ATP8A1: variants seen among roughly 807,000 people sequenced by gnomAD.
ATP8A1 encodes ATPase phospholipid transporting 8A1, also known as phospholipid-transporting ATPase IA.
In ATP8A1, 90 loss-of-function variants were observed where a neutral mutation model predicts 177.7. That is an observed-to-expected ratio of 0.51 (90% CI 0.43 to 0.60). The LOEUF is 0.60. ATP8A1 is among the 20% of genes least tolerant of loss of function. The pLI is 0.00. For synonymous variants in ATP8A1, 493 were observed against 485.9 expected (o/e 1.01, Z -0.19); for missense variants, 1,072 against 1,392.8 (o/e 0.77, Z 3.67).
In ATP8A1 at chr4:42,545,277, C is replaced by T. The variant is rs1358813390; in HGVS notation, c.1653-1291G>A. 2.6e-5 allele frequency among the ~76,000 whole-genome samples: 4 copies of T among 152,192 alleles called. No homozygotes were observed. The East Asian group carries it at 7.7e-4, about 29-fold the overall frequency. ...ATCAGGAATACATTTAATTGGGCCT[C>T]CTTTGTAATGACACCTATACATTCT... On this transcript the variant is annotated intron_variant, in intron 19 of 36. Coordinates refer to ENST00000381668, the MANE Select transcript of ATP8A1 (RefSeq NM_006095.2).
At chr4:42,548,955 A>G in intron 19 of ATP8A1, 58 bp downstream of exon 19, 1 of 1,378,484 alleles carries the variant, frequency 7.3e-7, no homozygotes, top group Non-Finnish European at 1.0e-6. Flanking sequence ...AAAAGGGAAA[A>G]AATAAAAATG....
chr4:42,528,926 G>C (rs764486999), intron 20 of ATP8A1, among the ~76,000 whole-genome samples: 9 of 152,204 alleles, frequency 5.9e-5, no homozygotes, highest in Non-Finnish European at 1.0e-4. Context: ...GGGTCCAGTG[G>C]TGTGGGGGCT....
chr4:42,425,764 G>T (rs928454084), intron 33 of ATP8A1, among the ~76,000 whole-genome samples: 4 of 152,148 alleles, frequency 2.6e-5, no homozygotes, highest in African/African-American at 9.7e-5. Flanking sequence ...GCCGAGCTCC[G>T]GTTCCCTCCG....
At position 42,503,490 on chromosome 4, in the gene ATP8A1, T is replaced by C. The variant is rs1276382695; in HGVS notation, c.2111A>G (p.Lys704Arg). 6.2e-7 allele frequency: 1 copy of C among 1,608,462 alleles called. No individual in the cohort carries two copies. Among genetic ancestry groups the C allele is most frequent in the South Asian group, 1.1e-5 (1 of 90,208 alleles). The part of the protein sequence containing the change: ...NIGHSCKLLK[K>R]NMGMIVINEG... Reference sequence around the variant, plus strand: ...ATTTATAACAATCATTCCCATGTTCTTCTTCAACAGTTTGCAGGAGTGTCC... The same window carrying C: ...ATTTATAACAATCATTCCCATGTTCCTCTTCAACAGTTTGCAGGAGTGTCC... The change falls in exon 24 of 37, where the codon AAG (lysine) becomes AGG (arginine). Residue 704 changes from lysine (K) to arginine (R), a missense_variant. Physicochemically the swap from Lys to Arg is conservative, Grantham distance 26 (BLOSUM62 2). Transcript: ENST00000381668.
Position 42,532,462 on chromosome 4 carries a change from G to C in ATP8A1, c.1723-7615C>G, listed in dbSNP as rs74931195. On this transcript the variant is annotated intron_variant, in intron 20 of 36. Transcript: ENST00000381668. Reference sequence around the variant, plus strand: ...GATCGTGCCACTGTACTCCAGTCTGGGTGACAAACTCCATCTCAAAAAAAA... The same window carrying C: ...GATCGTGCCACTGTACTCCAGTCTGCGTGACAAACTCCATCTCAAAAAAAA... Among the ~76,000 whole-genome samples the C allele has an allele frequency of 5.2e-4, 79 of 151,996 alleles. No homozygotes were observed. In the East Asian group the frequency reaches 0.015, roughly 28 times the overall value.
At chr4:42,560,031 GAGTT>G (rs951326672) in intron 15 of ATP8A1, among the ~76,000 whole-genome samples, 8 of 152,094 alleles carry the variant, frequency 5.3e-5, no homozygotes, top group African/African-American at 9.7e-5. Flanking sequence ...TAATAGCAAA[GAGTT>G]AGGAAACACA....
At chr4:42,647,455 G>A (rs1740649381) in intron 1 of ATP8A1, among the ~76,000 whole-genome samples, 1 of 151,918 alleles carries the variant, frequency 6.6e-6, no homozygotes, top group Admixed American at 6.6e-5. Context: ...CACAAAAAAT[G>A]TAAACTACCA....
At chr4:42,424,462 A>G (rs1158466134) in intron 33 of ATP8A1, among the ~76,000 whole-genome samples, 2 of 152,152 alleles carry the variant, frequency 1.3e-5, no homozygotes, top group Non-Finnish European at 2.9e-5. Context: ...AATTTTTAGT[A>G]CCTATTTAAA....
At chr4:42,474,961 G>A (rs915918236) in intron 25 of ATP8A1, among the ~76,000 whole-genome samples, 1 of 151,918 alleles carries the variant, frequency 6.6e-6, no homozygotes, top group Non-Finnish European at 1.5e-5. Context: ...GGGAAGAAAT[G>A]AGGTCCAATA....
chr4:42,636,881 G>C (rs146192959), intron 1 of ATP8A1, among the ~76,000 whole-genome samples: 5 of 152,312 alleles, frequency 3.3e-5, no homozygotes, highest in African/African-American at 1.2e-4. Context: ...GCTGAACACA[G>C]ACAGGAATGA....
At chr4:42,522,415 TATG>T (rs1222422341) in intron 21 of ATP8A1, 116 bp from the exon 22 acceptor site, 5 of 1,159,380 alleles carry the variant, frequency 4.3e-6, no homozygotes, top group African/African-American at 1.6e-5. Context: ...ATACAAACAA[TATG>T]ATGAAGTCCA....
At chr4:42,543,785 A>G (rs1728627876) in intron 20 of ATP8A1, 132 bp downstream of exon 20, 3 of 645,862 alleles carry the variant, frequency 4.6e-6, no homozygotes, top group South Asian at 2.2e-5. Flanking sequence ...CACTATTACT[A>G]TAAAACACCA....
chr4:42,528,468 T>C (rs1056778757), intron 20 of ATP8A1, among the ~76,000 whole-genome samples: 2 of 152,180 alleles, frequency 1.3e-5, no homozygotes, highest in African/African-American at 4.8e-5. Context: ...ACATGGATCT[T>C]GGGGAATGAC....
chr4:42,626,219 A>C (rs569552028), intron 2 of ATP8A1: 2 of 152,596 alleles, frequency 1.3e-5, no homozygotes, highest in Non-Finnish European at 2.9e-5. Flanking sequence ...AATCCACACT[A>C]AACACACCAG....
At chr4:42,490,880 T>G (rs2153190427) in intron 24 of ATP8A1, among the ~76,000 whole-genome samples, 1 of 152,310 alleles carries the variant, frequency 6.6e-6, no homozygotes, top group Non-Finnish European at 1.5e-5. Flanking sequence ...AGCATGATGT[T>G]GAGTAGCTTA....
chr4:42,626,544 T>C (rs1267992442), intron 2 of ATP8A1: 1 of 169,534 alleles, frequency 5.9e-6, no homozygotes, highest in Non-Finnish European at 1.3e-5. Context: ...GTGAAGTAAT[T>C]CGCACAGCCC....
chr4:42,446,080 C>CAAAAAAAAAAAAAA lies in ATP8A1; in HGVS notation c.2958+489_2958+502dup, dbSNP rs11311245. Among the ~76,000 whole-genome samples, 30 of 63,888 alleles carry CAAAAAAAAAAAAAA rather than the reference C, an allele frequency of 4.7e-4. 2 individuals are homozygous for CAAAAAAAAAAAAAA. In the East Asian group the frequency reaches 5.1e-3, roughly 11 times the overall value. 41.9% of individuals were successfully genotyped at this position (63,888 alleles called of 152,430 possible). On this transcript the variant is annotated intron_variant, in intron 31 of 36. Transcript: ENST00000381668. ...GGGCGACAAGAGTGAAACGCCCTCT[C>CAAAAAAAAAAAAAA]AAAAAAAAAAAAAAAAAAAGAGAAG... is the stretch of plus-strand genomic sequence containing the variant.
chr4:42,507,218 T>TG (rs1331060192), intron 22 of ATP8A1, 64 bp from the exon 23 acceptor site: 1 of 1,524,572 alleles, frequency 6.6e-7, no homozygotes, highest in African/African-American at 1.4e-5. Flanking sequence ...AACAAAAAAT[T>TG]GAAGTGTGTA....
chr4:42,609,713 C>T (rs528173024), intron 5 of ATP8A1, among the ~76,000 whole-genome samples: 1 of 152,158 alleles, frequency 6.6e-6, no homozygotes, highest in East Asian at 1.9e-4. Context: ...CCACTGTGTG[C>T]TTTCCTTTGT....
Sources: gnomAD v4.1 joint callset for allele counts (sites outside exome capture counted in the v4.1 genomes callset) on GRCh38, gnomAD v4.1.1 for gene constraint, MANE v1.5 for transcripts, NCBI Gene and HGNC (gene_info 2026-07-23, HGNC 2026-07-21) for gene names.